Variants in KDM4A observed in about 807,000 individuals in gnomAD.
KDM4A encodes the protein lysine demethylase 4A.
Under a neutral mutation model 127.1 loss-of-function variants are expected in KDM4A, and 23 were observed. That is an observed-to-expected ratio of 0.18 (90% confidence interval 0.13 to 0.26). The LOEUF (loss-of-function observed/expected upper bound fraction) is 0.26, where lower values mean the gene tolerates loss of function less well. KDM4A is among the 10% of genes least tolerant of loss of function. The pLI, the probability that KDM4A is intolerant of heterozygous loss-of-function variation, is 1.00. For synonymous variants in KDM4A, 443 were observed against 466.5 expected (o/e 0.95, Z 0.65); for missense variants, 890 against 1,329.1 (o/e 0.67, Z 5.14).
chr1:43,662,822 T>G, intron 4 of KDM4A, 72 bp from the exon 5 acceptor site: 1 of 1,338,048 alleles, frequency 7.5e-7, no homozygotes, highest in South Asian at 1.4e-5. Flanking sequence ...TGTGACCTAC[T>G]CTGATTTGTA....
intron 9 of KDM4A, 23 bp downstream of exon 9, chr1:43,668,042 C>T: frequency 1.2e-6 from 2 of 1,612,474 alleles, no homozygotes; most frequent in Non-Finnish European, 8.5e-7. Flanking sequence ...CCCTTTTGTC[C>T]TGGCTGCGTG....
At chr1:43,674,917 A>C (rs1317858396) in intron 11 of KDM4A, among the ~76,000 whole-genome samples, 1 of 152,118 alleles carries the variant, frequency 6.6e-6, no homozygotes, top group African/African-American at 2.4e-5. Context: ...CTCCCTCTCC[A>C]AAAGACAGAT....
At chr1:43,676,728 A>G (rs991074180) in intron 11 of KDM4A, among the ~76,000 whole-genome samples, 2 of 152,182 alleles carry the variant, frequency 1.3e-5, no homozygotes, top group Admixed American at 1.3e-4. Context: ...CTTCATTAGT[A>G]TATAATGTAC....
intron 4 of KDM4A, among the ~76,000 whole-genome samples, chr1:43,662,094 G>C (rs1660395988): frequency 6.6e-6 from 1 of 151,748 alleles, no homozygotes; most frequent in South Asian, 2.1e-4. Flanking sequence ...GTAGAGACTG[G>C]GCCTTGCTTT....
intron 10 of KDM4A, 144 bp downstream of exon 10, chr1:43,669,443 C>G: frequency 1.2e-6 from 1 of 833,980 alleles, no homozygotes; most frequent in Non-Finnish European, 2.0e-6. Context: ...GTGAGAAGTG[C>G]TTTGGGTAGG....
rs148308072 is a variant in KDM4A, at chr1:43,671,702, A to G, written c.1561A>G (p.Ile521Val). The change falls in exon 11 of 22, where the codon ATC becomes GTC. Residue 521 changes from isoleucine to valine, a missense_variant. Coordinates refer to ENST00000372396, the MANE Select transcript of KDM4A (RefSeq NM_014663.3). The stretch of plus-strand genomic sequence containing the variant: ...GGGCTCTGGCTCTTCACGGGATTCT[A>G]TCTCTTCTGATTCAGAAACTAGTGA... Reference protein sequence around the residue: ...SLGSGSSRDSISSDSETSEPL... With the variant: ...SLGSGSSRDSVSSDSETSEPL... The G allele has an allele frequency of 9.5e-5, 153 of 1,613,390 alleles. No individual in the cohort carries two copies. Among genetic ancestry groups the G allele is most frequent in the African/African-American group, 9.2e-4 (69 of 75,030 alleles).
chr1:43,671,666 T>A lies in KDM4A; in HGVS notation c.1525T>A (p.Ser509Thr). The change falls in exon 11 of 22, where the codon TCT becomes ACT. Residue 509 changes from serine (S) to threonine (T), a missense_variant. Coordinates refer to ENST00000372396, the MANE Select transcript of KDM4A (RefSeq NM_014663.3). ...CTTCTCAGGCTCCAAAAAGAAATCA[T>A]CTTCTAGCCTGGGCTCTGGCTCTTC... ...LVFSGSKKKSSSSLGSGSSRD... is the reference protein window; with the variant it reads ...LVFSGSKKKSTSSLGSGSSRD... 6.2e-7 allele frequency: 1 copy of A among 1,612,858 alleles called. No homozygotes were observed. Among genetic ancestry groups the A allele is most frequent in the Non-Finnish European group, 8.5e-7 (1 of 1,179,350 alleles).
At position 43,681,866 on chromosome 1, in the gene KDM4A, T is replaced by C. The variant is rs115051172; in HGVS notation, c.1735-1818T>C. ...ATATGTAATTGATTAGTAAGTAATA[T>C]ATAGGTTGGGGGTACATGCTCCTAA... On this transcript the variant is annotated intron_variant, in intron 11 of 21. Coordinates refer to ENST00000372396, the MANE Select transcript of KDM4A (RefSeq NM_014663.3). Among the ~76,000 whole-genome samples, 405 of 152,326 alleles carry C rather than the reference T, an allele frequency of 2.7e-3. 2 individuals carry two copies. Among genetic ancestry groups the C allele is most frequent in the African/African-American group, 9.5e-3 (393 of 41,570 alleles).
At chr1:43,656,272 C>T (rs1442696824) in intron 3 of KDM4A, among the ~76,000 whole-genome samples, 2 of 147,084 alleles carry the variant, frequency 1.4e-5, no homozygotes, top group African/African-American at 5.1e-5. Flanking sequence ...ACATTCCTGT[C>T]TCTTTTAGAG....
intron 4 of KDM4A, 130 bp from the exon 5 acceptor site, chr1:43,662,764 T>C (rs1266291967): frequency 4.8e-5 from 35 of 733,786 alleles, no homozygotes; most frequent in Non-Finnish European, 7.0e-5. Context: ...TTCACGTCCA[T>C]AGTGTTTTGA....
intron 11 of KDM4A, among the ~76,000 whole-genome samples, chr1:43,679,831 C>T (rs1660819512): frequency 6.6e-6 from 1 of 152,150 alleles, no homozygotes; most frequent in Non-Finnish European, 1.5e-5. Flanking sequence ...TAACCTTGAC[C>T]CTGGTGCCAG....
intron 7 of KDM4A, 76 bp from the exon 8 acceptor site, chr1:43,666,878 T>A (rs1438435680): frequency 1.4e-6 from 2 of 1,469,558 alleles, no homozygotes; most frequent in Non-Finnish European, 1.9e-6. Flanking sequence ...TCAGCTAAGT[T>A]GTGGTGGAGC....
At chr1:43,673,753 TC>T (rs1249257716) in intron 11 of KDM4A, among the ~76,000 whole-genome samples, 1 of 152,158 alleles carries the variant, frequency 6.6e-6, no homozygotes, top group Non-Finnish European at 1.5e-5. Flanking sequence ...TCTCTTTAAC[TC>T]CCAGTTGCCA....
chr1:43,693,686 CCCTGAGA>C lies in KDM4A; in HGVS notation c.2376-303_2376-297del, dbSNP rs1661174542. Among the ~76,000 whole-genome samples, 2 of 152,228 alleles carry C rather than the reference CCCTGAGA, an allele frequency of 1.3e-5. No individual in the cohort carries two copies. Among genetic ancestry groups the C allele is most frequent in the Admixed American group, 1.3e-4 (2 of 15,288 alleles). ...TAGAGCTTTCCAGTTTATTCTCACT[CCCTGAGA>C]CCTGCCACACACCATTAGCCTGCAG... On this transcript the variant is annotated intron_variant, in intron 16 of 21. Transcript: ENST00000372396. This position sits in a 1 kb window ranked among gnomAD's most constrained non-coding sequence, Gnocchi z 4.2.
chr1:43,665,255 C>T (rs1353118928), intron 5 of KDM4A, among the ~76,000 whole-genome samples: 1 of 152,082 alleles, frequency 6.6e-6, no homozygotes, highest in Admixed American at 6.5e-5. Flanking sequence ...AGTGTCAGAT[C>T]CATCTTTCAC....
chr1:43,701,974 T>C (rs915543002), intron 19 of KDM4A: 4 of 152,268 alleles, frequency 2.6e-5, no homozygotes, highest in African/African-American at 9.6e-5. Context: ...GGGATATTGT[T>C]ACATGCAATC....
intron 9 of KDM4A, 41 bp from the exon 10 acceptor site, chr1:43,669,059 G>A (rs372796407): frequency 5.3e-5 from 84 of 1,599,550 alleles, no homozygotes; most frequent in Non-Finnish European, 6.6e-5. Flanking sequence ...GTAAGTGGAT[G>A]TATATGTGGG....
chr1:43,662,226 ATTT>A (rs796725388), intron 4 of KDM4A, among the ~76,000 whole-genome samples: 2 of 143,928 alleles, frequency 1.4e-5, no homozygotes, highest in African/African-American at 5.2e-5. Context: ...ATGTTTTGCG[ATTT>A]TTTTTTTTGT....
intron 11 of KDM4A, among the ~76,000 whole-genome samples, chr1:43,677,340 A>G (rs1351324429): frequency 2.9e-5 from 4 of 138,838 alleles, no homozygotes; most frequent in African/African-American, 1.2e-4. Flanking sequence ...GTGAGACTCC[A>G]TCTCAAAAAA....
Sources: allele counts gnomAD v4.1 joint callset (sites outside exome capture counted in the v4.1 genomes callset), GRCh38; gene constraint gnomAD v4.1.1; non-coding constraint Gnocchi (gnomAD v3.1); transcripts MANE v1.5; gene names NCBI Gene and HGNC (gene_info 2026-07-23, HGNC 2026-07-21).